The following PDZRN4 variants were observed in gnomAD, a reference collection of about 807,000 sequenced individuals.
PDZRN4 encodes the protein PDZ domain containing ring finger 4.
In PDZRN4, 70 loss-of-function variants were observed where a neutral mutation model predicts 99.0. The observed-to-expected ratio is 0.71, with a 90% CI of 0.58 to 0.86. The LOEUF (loss-of-function observed/expected upper bound fraction) is 0.86. Ranked by LOEUF, PDZRN4 falls within the 40% of genes least tolerant of loss-of-function variation. The pLI, the probability that PDZRN4 is intolerant of heterozygous loss-of-function variation, is 0.00. For missense variants in PDZRN4, 1,474 were observed against 1,331.2 expected (o/e 1.11, Z -1.67); for synonymous variants, 551 against 501.6 (o/e 1.10, Z -1.32).
At chr12:41,307,214 T>A (rs1266428061) in intron 3 of PDZRN4, among the ~76,000 whole-genome samples, 1 of 152,118 alleles carries the variant, frequency 6.6e-6, no homozygotes, top group African/African-American at 2.4e-5. Flanking sequence ...CTAGGTAGCC[T>A]AAACAAAAGA....
intron 3 of PDZRN4, among the ~76,000 whole-genome samples, chr12:41,396,197 A>G (rs1341831456): frequency 6.6e-6 from 1 of 152,166 alleles, no homozygotes; most frequent in Non-Finnish European, 1.5e-5. Flanking sequence ...GGGGCTGTGA[A>G]CGTTTTCTGC....
intron 3 of PDZRN4, among the ~76,000 whole-genome samples, chr12:41,233,805 G>C (rs1037462022): frequency 6.6e-6 from 1 of 151,866 alleles, no homozygotes; most frequent in Middle Eastern, 3.2e-3. Context: ...GGGGGAGCGG[G>C]GGGGAGATAG....
chr12:41,532,931 T>A (rs995048042), intron 5 of PDZRN4, among the ~76,000 whole-genome samples: 21 of 152,206 alleles, frequency 1.4e-4, no homozygotes, highest in African/African-American at 4.6e-4. Context: ...ATATATATAT[T>A]TTTTGCATTT....
chr12:41,306,308 G>A (rs1049961825), intron 3 of PDZRN4, among the ~76,000 whole-genome samples: 1 of 152,244 alleles, frequency 6.6e-6, no homozygotes, highest in Admixed American at 6.5e-5. Context: ...ACCAGAGACT[G>A]TTGGGTCTGT....
intron 3 of PDZRN4, among the ~76,000 whole-genome samples, chr12:41,469,467 A>G (rs1363993060): frequency 6.6e-6 from 1 of 152,198 alleles, no homozygotes; most frequent in Non-Finnish European, 1.5e-5. Flanking sequence ...AAACACAGTG[A>G]CTTGTACTGC....
At chr12:41,369,174 G>A (rs1952022609) in intron 3 of PDZRN4, among the ~76,000 whole-genome samples, 1 of 151,986 alleles carries the variant, frequency 6.6e-6, no homozygotes, top group African/African-American at 2.4e-5. Flanking sequence ...CTTATTAAAT[G>A]AATTTTATTG....
intron 3 of PDZRN4, among the ~76,000 whole-genome samples, chr12:41,218,171 C>T (rs1294839162): frequency 6.6e-6 from 1 of 152,094 alleles, no homozygotes; most frequent in South Asian, 2.1e-4. Context: ...TGATTTGTGG[C>T]ATAATTCAAG....
intron 3 of PDZRN4, among the ~76,000 whole-genome samples, chr12:41,250,675 G>T (rs985880286): frequency 6.6e-6 from 1 of 152,200 alleles, no homozygotes; most frequent in Non-Finnish European, 1.5e-5. Flanking sequence ...GAACTGGAAG[G>T]TAGATGCCTA....
At chr12:41,412,763 A>T (rs1205360063) in intron 3 of PDZRN4, among the ~76,000 whole-genome samples, 1 of 152,174 alleles carries the variant, frequency 6.6e-6, no homozygotes. Context: ...AAGGGGAAGT[A>T]AAATATCTAA....
intron 3 of PDZRN4, among the ~76,000 whole-genome samples, chr12:41,358,603 A>G (rs1011254624): frequency 9.9e-5 from 15 of 152,114 alleles, no homozygotes; most frequent in African/African-American, 3.6e-4. Flanking sequence ...TCTGATTTCA[A>G]ACCTACTTAC....
intron 3 of PDZRN4, among the ~76,000 whole-genome samples, chr12:41,402,017 C>T (rs971314255): frequency 6.7e-6 from 1 of 148,450 alleles, no homozygotes; most frequent in Admixed American, 6.9e-5. Flanking sequence ...ATGGATGTGG[C>T]GCTCCCTCAC....
intron 3 of PDZRN4, among the ~76,000 whole-genome samples, chr12:41,312,151 T>TA (rs1410163074): frequency 6.6e-6 from 1 of 152,132 alleles, no homozygotes; most frequent in Non-Finnish European, 1.5e-5. Flanking sequence ...TGCATTCCAT[T>TA]TTGTCCAAAA....
At chr12:41,269,322 A>G (rs1241920304) in intron 3 of PDZRN4, among the ~76,000 whole-genome samples, 3 of 152,192 alleles carry the variant, frequency 2.0e-5, no homozygotes, top group African/African-American at 7.2e-5. Context: ...CTCCCTAGAG[A>G]AAGCTATATA....
At chr12:41,410,512 A>G (rs1350363098) in intron 3 of PDZRN4, among the ~76,000 whole-genome samples, 5 of 152,182 alleles carry the variant, frequency 3.3e-5, no homozygotes, top group Non-Finnish European at 1.5e-5. Flanking sequence ...GCCTTCTGAT[A>G]TTGTTTTGGG....
intron 3 of PDZRN4, among the ~76,000 whole-genome samples, chr12:41,455,418 A>G (rs1379772): frequency 0.52 from 78,625 of 152,006 alleles, 20,893 homozygotes; most frequent in African/African-American, 0.65. Flanking sequence ...TCATTGTATT[A>G]GCAGTGGGAA....
chr12:41,312,317 A>G (rs998287728), intron 3 of PDZRN4, among the ~76,000 whole-genome samples: 3 of 151,598 alleles, frequency 2.0e-5, no homozygotes, highest in African/African-American at 7.3e-5. Flanking sequence ...GCAAAAAGAG[A>G]CTTCCAAAAT....
At position 41,562,708 on chromosome 12, in the gene PDZRN4, T is replaced by G. The variant is rs149103402; in HGVS notation, c.1366-840T>G. On this transcript the variant is annotated intron_variant, in intron 7 of 9. Transcript: ENST00000402685. The stretch of plus-strand genomic sequence containing the variant: ...AAAATGTAGTTTAAAAAAAGAAACT[T>G]TACAAATCTTATTTACTTTTTCTTT... Among the ~76,000 whole-genome samples, 3 of 152,034 alleles carry G rather than the reference T, an allele frequency of 2.0e-5. No homozygotes were observed. In the South Asian group the frequency reaches 6.2e-4, roughly 31 times the overall value.
chr12:41,319,673 C>G (rs985252159), intron 3 of PDZRN4, among the ~76,000 whole-genome samples: 4 of 152,140 alleles, frequency 2.6e-5, no homozygotes, highest in African/African-American at 7.2e-5. Context: ...CAGGGTTTAA[C>G]TTTTCTTTTC....
intron 3 of PDZRN4, among the ~76,000 whole-genome samples, chr12:41,234,699 T>G (rs1321865456): frequency 6.6e-6 from 1 of 152,112 alleles, no homozygotes; most frequent in Non-Finnish European, 1.5e-5. Context: ...AACGTTTTCT[T>G]TTCTCAGTTG....
Sources: allele counts gnomAD v4.1 joint callset (sites outside exome capture counted in the v4.1 genomes callset), GRCh38; gene constraint gnomAD v4.1.1; transcripts MANE v1.5; gene names NCBI Gene and HGNC (gene_info 2026-07-23, HGNC 2026-07-21).